Variants in FGF12 observed in about 807,000 individuals in gnomAD.
The protein encoded by FGF12 is fibroblast growth factor 12.
In FGF12, 14 loss-of-function variants were observed where a neutral mutation model predicts 23.6. The ratio of observed to expected loss-of-function variants is 0.59; its 90% CI spans 0.39 to 0.93. The LOEUF (loss-of-function observed/expected upper bound fraction) is 0.93, where lower values mean the gene tolerates loss of function less well. Among genes scored for constraint, FGF12 ranks in the 40% least tolerant of loss-of-function variants. The pLI is 0.00. For synonymous variants in FGF12, 62 were observed against 77.3 expected (o/e 0.80, Z 1.04); for missense variants, 175 against 217.8 (o/e 0.80, Z 1.24).
At chr3:192,475,097 G>A (rs1723280533) in intron 2 of FGF12, among the ~76,000 whole-genome samples, 1 of 152,058 alleles carries the variant, frequency 6.6e-6, no homozygotes, top group Non-Finnish European at 1.5e-5. Context: ...TTAAAATTGA[G>A]TTTCTGTATC....
chr3:192,398,782 G>A (rs1047829021), intron 2 of FGF12, among the ~76,000 whole-genome samples: 6 of 152,142 alleles, frequency 3.9e-5, no homozygotes, highest in Admixed American at 3.3e-4. Flanking sequence ...ACAAACCTGA[G>A]TCTAAATCCA....
chr3:192,717,397 G>A (rs1234863302), intron 2 of FGF12, among the ~76,000 whole-genome samples: 1 of 152,120 alleles, frequency 6.6e-6, no homozygotes, highest in Non-Finnish European at 1.5e-5. Context: ...TATATGTAAA[G>A]TACAGTGCCT....
chr3:192,456,308 A>C (rs992073659), intron 2 of FGF12, among the ~76,000 whole-genome samples: 3 of 152,240 alleles, frequency 2.0e-5, no homozygotes, highest in Non-Finnish European at 4.4e-5. Flanking sequence ...TTGTTATGCC[A>C]CTGACCAAAC....
At chr3:192,180,452 G>C (rs1343445372) in intron 4 of FGF12, among the ~76,000 whole-genome samples, 1 of 152,166 alleles carries the variant, frequency 6.6e-6, no homozygotes, top group Admixed American at 6.5e-5. Flanking sequence ...TGCACAATAC[G>C]TAATCATGTG....
chr3:192,637,116 G>A (rs560808235), intron 2 of FGF12, among the ~76,000 whole-genome samples: 87 of 152,178 alleles, frequency 5.7e-4, no homozygotes, highest in Non-Finnish European at 8.7e-4. Flanking sequence ...TCTCTCCCTC[G>A]CTCCTATTTC....
At chr3:192,452,572 T>A (rs949554770) in intron 2 of FGF12, among the ~76,000 whole-genome samples, 17 of 152,218 alleles carry the variant, frequency 1.1e-4, no homozygotes, top group Non-Finnish European at 1.5e-5. Flanking sequence ...AGGTCATATT[T>A]GAAAGATAAT....
intron 2 of FGF12, among the ~76,000 whole-genome samples, chr3:192,546,464 G>T (rs1725496543): frequency 7.1e-6 from 1 of 139,980 alleles, no homozygotes; most frequent in South Asian, 2.4e-4. Context: ...TAACATGTTT[G>T]TCATGAGAAA....
intron 2 of FGF12, among the ~76,000 whole-genome samples, chr3:192,457,370 T>C (rs7641606): frequency 0.057 from 8,660 of 152,232 alleles, 820 homozygotes; most frequent in African/African-American, 0.2. Flanking sequence ...TGGAAAAGTT[T>C]GGAACCTCCT....
At chr3:192,182,379 A>C (rs1389978432) in intron 4 of FGF12, among the ~76,000 whole-genome samples, 1 of 152,198 alleles carries the variant, frequency 6.6e-6, no homozygotes, top group Non-Finnish European at 1.5e-5. Context: ...TTTTATTTCA[A>C]ATCTTATAAA....
intron 4 of FGF12, among the ~76,000 whole-genome samples, chr3:192,205,750 A>G (rs1451269332): frequency 6.6e-6 from 1 of 152,226 alleles, no homozygotes; most frequent in Non-Finnish European, 1.5e-5. Flanking sequence ...GCTCCCTGCT[A>G]TAATTGATTA....
chr3:192,418,387 T>C (rs1437410505), intron 2 of FGF12, among the ~76,000 whole-genome samples: 1 of 152,132 alleles, frequency 6.6e-6, no homozygotes, highest in Admixed American at 6.6e-5. Flanking sequence ...AACAGTATGA[T>C]GTCAGTCAAG....
At chr3:192,407,222 C>T (rs906421776) in intron 2 of FGF12, among the ~76,000 whole-genome samples, 3 of 152,152 alleles carry the variant, frequency 2.0e-5, no homozygotes, top group African/African-American at 7.2e-5. Context: ...AGAAAGCCCA[C>T]GCCATGAAAA....
Position 192,560,778 on chromosome 3 carries a change from C to T in FGF12, c.13+166403G>A, listed in dbSNP as rs940829249. Among the ~76,000 whole-genome samples, 3 of 152,132 alleles carry T rather than the reference C, an allele frequency of 2.0e-5. No homozygotes were observed. In the South Asian group the frequency reaches 6.2e-4, roughly 32 times the overall value. ...AGAAGAATGCTAATTTTAACAAACTCTTTCCTAAATTAGAGGAAGAAATAA... is the reference window on the plus strand; with the variant it reads ...AGAAGAATGCTAATTTTAACAAACTTTTTCCTAAATTAGAGGAAGAAATAA... On this transcript the variant is annotated intron_variant, in intron 2 of 5. Transcript: ENST00000445105.
At chr3:192,327,785 G>GAT (rs1298279712) in intron 4 of FGF12, among the ~76,000 whole-genome samples, 1 of 151,920 alleles carries the variant, frequency 6.6e-6, no homozygotes, top group Non-Finnish European at 1.5e-5. Context: ...CTGCAGCCTC[G>GAT]ATGTCCTAAG....
chr3:192,458,164 C>G (rs1272389347), intron 2 of FGF12, among the ~76,000 whole-genome samples: 1 of 152,146 alleles, frequency 6.6e-6, no homozygotes, highest in Admixed American at 6.5e-5. Context: ...AGAGGTGGGG[C>G]CCTCATGAAG....
intron 2 of FGF12, among the ~76,000 whole-genome samples, chr3:192,712,375 T>C (rs1448376722): frequency 6.6e-6 from 1 of 151,806 alleles, no homozygotes; most frequent in Non-Finnish European, 1.5e-5. Context: ...AAAAAAATTC[T>C]AGAATTAAAG....
chr3:192,179,169 G>GA (rs989280638), intron 4 of FGF12, among the ~76,000 whole-genome samples: 6 of 148,280 alleles, frequency 4.0e-5, no homozygotes, highest in African/African-American at 9.9e-5. Context: ...GAATTTTTTT[G>GA]AAAAAAAAAT....
At chr3:192,652,047 C>G (rs1716232049) in intron 2 of FGF12, among the ~76,000 whole-genome samples, 1 of 152,146 alleles carries the variant, frequency 6.6e-6, no homozygotes, top group Non-Finnish European at 1.5e-5. Flanking sequence ...CTACTCTATG[C>G]CAGACACTCT....
rs886759570 is a variant in FGF12, at chr3:192,142,801, C to T, written c.*1208G>A. On this transcript the variant is annotated 3_prime_UTR_variant, in exon 6 of 6. Coordinates refer to ENST00000445105, the MANE Select transcript of FGF12 (RefSeq NM_004113.6). ...TTCTAGGAAACAAATGAATTGCAAACTGGACTTGTAACAGGATCATACATA... is the reference window on the plus strand; with the variant it reads ...TTCTAGGAAACAAATGAATTGCAAATTGGACTTGTAACAGGATCATACATA... The T allele has an allele frequency of 3.3e-5, 5 of 151,984 alleles. No individual in the cohort carries two copies. The highest frequency in any genetic ancestry group is 7.4e-5 in the Non-Finnish European group (5 of 67,956). The allele number at this position is 151,984 out of a possible 1,614,324, so 9.4% of individuals were successfully genotyped here.
Sources: allele counts gnomAD v4.1 joint callset (sites outside exome capture counted in the v4.1 genomes callset), GRCh38; gene constraint gnomAD v4.1.1; transcripts MANE v1.5; gene names NCBI Gene and HGNC (gene_info 2026-07-23, HGNC 2026-07-21).